The following CFAP299 variants were observed in gnomAD, a reference collection of about 807,000 sequenced individuals.
CFAP299 encodes the protein cilia- and flagella-associated protein 299.
Under a neutral mutation model 27.0 loss-of-function variants are expected in CFAP299, and 21 were observed. The ratio of observed to expected loss-of-function variants is 0.78; its 90% CI spans 0.55 to 1.12. The LOEUF (loss-of-function observed/expected upper bound fraction) is 1.12. CFAP299 is among the 50% of genes most tolerant of loss of function. The probability of loss-of-function intolerance (pLI) is 0.00; values close to 1 mark genes in which losing one functional copy is unlikely to be tolerated. For synonymous variants in CFAP299, 104 were observed against 98.1 expected, an observed-to-expected ratio of 1.06 and a Z score of -0.36; for missense variants, 310 against 276.6, an observed-to-expected ratio of 1.12 and a Z score of -0.86.
chr4:80,471,875 C>A (rs1364297767), intron 2 of CFAP299, among the ~76,000 whole-genome samples: 2 of 152,182 alleles, frequency 1.3e-5, no homozygotes, highest in Non-Finnish European at 2.9e-5. Flanking sequence ...TACATTGAGG[C>A]CTTGGCAGCA....
intron 2 of CFAP299, among the ~76,000 whole-genome samples, chr4:80,512,711 G>A (rs561274902): frequency 1.3e-5 from 2 of 152,012 alleles, no homozygotes; most frequent in Non-Finnish European, 2.9e-5. Flanking sequence ...GGTGCAAAAA[G>A]CATCTTTGGA....
intron 2 of CFAP299, among the ~76,000 whole-genome samples, chr4:80,551,947 C>G (rs1031049813): frequency 3.9e-5 from 6 of 151,988 alleles, no homozygotes; most frequent in African/African-American, 1.5e-4. Flanking sequence ...CAGGGTTTCA[C>G]CATGTTGGCC....
chr4:80,478,907 C>T (rs1324317555), intron 2 of CFAP299, among the ~76,000 whole-genome samples: 1 of 151,472 alleles, frequency 6.6e-6, no homozygotes, highest in Non-Finnish European at 1.5e-5. Context: ...TCAGACAAGT[C>T]TAAATGTTTA....
At chr4:80,721,261 A>C (rs991929822) in intron 3 of CFAP299, among the ~76,000 whole-genome samples, 7 of 152,214 alleles carry the variant, frequency 4.6e-5, no homozygotes, top group Admixed American at 4.6e-4. Context: ...AACACAAAGA[A>C]AGTTACATCA....
chr4:80,868,684 T>G (rs1286199947), intron 3 of CFAP299, among the ~76,000 whole-genome samples: 3 of 152,238 alleles, frequency 2.0e-5, no homozygotes, highest in African/African-American at 7.2e-5. Context: ...TCTGAATATT[T>G]CTTTTCCTTG....
In CFAP299 at chr4:80,907,644, C is replaced by G. The variant is rs577196839; in HGVS notation, c.477-37166C>G. On this transcript the variant is annotated intron_variant, in intron 4 of 5. Coordinates refer to ENST00000358105, the MANE Select transcript of CFAP299 (RefSeq NM_152770.3). ...ATTGCAGAGTGAAGGAGGAAAAGCC[C>G]TTTATAAAACCATTAAGTCTTGTGA... 8.5e-5 allele frequency among the ~76,000 whole-genome samples: 13 copies of G among 152,210 alleles called. 1 individual carries two copies. Among genetic ancestry groups the G allele is most frequent in the African/African-American group, 3.1e-4 (13 of 41,538 alleles).
chr4:80,943,998 G>A (rs558562521), intron 4 of CFAP299, among the ~76,000 whole-genome samples: 64 of 151,880 alleles, frequency 4.2e-4, no homozygotes, highest in African/African-American at 5.3e-4. Context: ...CCCAGGAGGC[G>A]GAGGTTGCAG....
At chr4:80,632,016 C>T (rs1178754798) in intron 3 of CFAP299, among the ~76,000 whole-genome samples, 3 of 151,964 alleles carry the variant, frequency 2.0e-5, no homozygotes, top group African/African-American at 4.8e-5. Context: ...CAGAGAGCTG[C>T]TTTGCCTCTC....
intron 2 of CFAP299, among the ~76,000 whole-genome samples, chr4:80,401,676 TG>T (rs769514130): frequency 2.0e-5 from 3 of 152,162 alleles, no homozygotes; most frequent in Non-Finnish European, 2.9e-5. Flanking sequence ...AAGGGAAATG[TG>T]GGGTCAGAGC....
intron 2 of CFAP299, among the ~76,000 whole-genome samples, chr4:80,484,645 ATTG>A (rs956335225): frequency 2.6e-5 from 4 of 152,152 alleles, no homozygotes; most frequent in African/African-American, 9.6e-5. Context: ...GTTCAGATGT[ATTG>A]TTGTATTGAA....
intron 2 of CFAP299, among the ~76,000 whole-genome samples, chr4:80,505,735 G>A (rs907865832): frequency 3.9e-5 from 6 of 152,020 alleles, no homozygotes; most frequent in South Asian, 2.1e-4. Context: ...AGTATATAAT[G>A]AAGAATTTTT....
chr4:80,476,782 A>G (rs1218221019), intron 2 of CFAP299, among the ~76,000 whole-genome samples: 1 of 151,862 alleles, frequency 6.6e-6, no homozygotes, highest in Non-Finnish European at 1.5e-5. Flanking sequence ...CTCCAATCCA[A>G]TTTCTGGATC....
At chr4:80,355,101 T>G (rs551114433) in intron 1 of CFAP299, among the ~76,000 whole-genome samples, 7 of 152,190 alleles carry the variant, frequency 4.6e-5, no homozygotes, top group Admixed American at 1.3e-4. Context: ...ATTGCTGCAC[T>G]ATCTTCTACA....
intron 3 of CFAP299, among the ~76,000 whole-genome samples, chr4:80,861,329 T>G (rs1365593848): frequency 6.6e-6 from 1 of 152,184 alleles, no homozygotes; most frequent in African/African-American, 2.4e-5. Context: ...TTTCTTTGAC[T>G]AGGAACGGGA....
At chr4:80,449,537 A>G (rs1368070626) in intron 2 of CFAP299, among the ~76,000 whole-genome samples, 3 of 151,850 alleles carry the variant, frequency 2.0e-5, no homozygotes, top group African/African-American at 7.2e-5. Flanking sequence ...TAGCTGGACA[A>G]CACTTAACCA....
At chr4:80,663,935 T>C (rs1318037485) in intron 3 of CFAP299, among the ~76,000 whole-genome samples, 1 of 152,224 alleles carries the variant, frequency 6.6e-6, no homozygotes, top group Non-Finnish European at 1.5e-5. Flanking sequence ...AATGTCTTCT[T>C]TTGAGAAGTG....
At chr4:80,462,719 A>G (rs1047748218) in intron 2 of CFAP299, among the ~76,000 whole-genome samples, 3 of 152,110 alleles carry the variant, frequency 2.0e-5, no homozygotes, top group Admixed American at 6.6e-5. Context: ...CTGTTTACCA[A>G]ACCACGTGAT....
intron 5 of CFAP299, among the ~76,000 whole-genome samples, chr4:80,947,618 A>G (rs180731975): frequency 2.0e-5 from 3 of 152,286 alleles, no homozygotes; most frequent in Non-Finnish European, 4.4e-5. Context: ...ACATATTTTA[A>G]TAAGAAGCCT....
chr4:80,403,194 A>C (rs1301007361), intron 2 of CFAP299, among the ~76,000 whole-genome samples: 1 of 152,214 alleles, frequency 6.6e-6, no homozygotes, highest in Non-Finnish European at 1.5e-5. Flanking sequence ...TCTGACTTAA[A>C]ATTTTTCTCT....
Sources: allele counts gnomAD v4.1 joint callset (sites outside exome capture counted in the v4.1 genomes callset), GRCh38; gene constraint gnomAD v4.1.1; transcripts MANE v1.5; gene names NCBI Gene and HGNC (gene_info 2026-07-23, HGNC 2026-07-21).